USH2A: variants seen among roughly 807,000 people sequenced by gnomAD.
USH2A encodes the protein usherin.
Under a neutral mutation model 538.9 loss-of-function variants are expected in USH2A, and 443 were observed. That is an observed-to-expected ratio of 0.82 (90% CI 0.76 to 0.89). The LOEUF is 0.89. Among genes scored for constraint, USH2A ranks in the 40% least tolerant of loss-of-function variants. The pLI is 0.00. For synonymous variants in USH2A, 2,413 were observed against 2,273.5 expected (o/e 1.06, Z -1.75); for missense variants, 6,633 against 6,324.8 (o/e 1.05, Z -1.65).
chr1:216,073,045 G>T, intron 28 of USH2A, 52 bp downstream of exon 28: 1 of 1,613,018 alleles, frequency 6.2e-7, no homozygotes, highest in South Asian at 1.1e-5. Flanking sequence ...GGGAGGGAAA[G>T]GGGGATGAAT....
At chr1:216,211,877 T>C (rs1398736215) in intron 15 of USH2A, among the ~76,000 whole-genome samples, 1 of 152,200 alleles carries the variant, frequency 6.6e-6, no homozygotes, top group African/African-American at 2.4e-5. Flanking sequence ...TAAATCCTGT[T>C]GTTCTTGGTG....
chr1:215,674,272 C>T lies in USH2A; in HGVS notation c.13639G>A (p.Glu4547Lys), dbSNP rs1319164722. The change falls in exon 63 of 72, where the codon GAG (glutamate) becomes AAG (lysine). Residue 4547 changes from glutamate to lysine, a missense_variant. Physicochemically the swap from Glu to Lys is moderately conservative, Grantham distance 56. Coordinates refer to ENST00000307340, the MANE Select transcript of USH2A (RefSeq NM_206933.4). ...PPKLQARGPQ[E>K]ILVNWDPPVR... ...GGAGGGTCCCAGTTCACTAAGATCT[C>T]CTGAGGACCCCTGGCCTGCAATTTT... 1.2e-6 allele frequency: 2 copies of T among 1,614,000 alleles called. No homozygotes were observed. Among genetic ancestry groups the T allele is most frequent in the African/African-American group, 1.3e-5 (1 of 74,902 alleles).
intron 64 of USH2A, among the ~76,000 whole-genome samples, chr1:215,666,862 C>A (rs942966444): frequency 2.6e-5 from 4 of 152,028 alleles, no homozygotes; most frequent in African/African-American, 9.7e-5. Context: ...GAGGCTGAGG[C>A]GGGTGGATCA....
chr1:216,218,363 A>C (rs1037070023), intron 14 of USH2A, among the ~76,000 whole-genome samples: 1 of 152,240 alleles, frequency 6.6e-6, no homozygotes, highest in Middle Eastern at 3.4e-3. Context: ...AATGGCACTA[A>C]TTAGGATAAG....
chr1:216,035,331 A>C (rs1669224380), intron 32 of USH2A, among the ~76,000 whole-genome samples: 1 of 152,300 alleles, frequency 6.6e-6, no homozygotes, highest in South Asian at 2.1e-4. Context: ...ATAAGCACAC[A>C]GGGAAAACAT....
chr1:215,722,971 C>T (rs917199538), intron 61 of USH2A, among the ~76,000 whole-genome samples: 1 of 152,166 alleles, frequency 6.6e-6, no homozygotes, highest in African/African-American at 2.4e-5. Context: ...TATCGCCAAC[C>T]TTGCCAGGAG....
chr1:215,918,977 A>T lies in USH2A; in HGVS notation c.7300+15639T>A, dbSNP rs1194144488. Among the ~76,000 whole-genome samples the T allele has an allele frequency of 2.6e-5, 4 of 152,214 alleles. No individual in the cohort carries two copies. The South Asian group carries it at 6.2e-4, about 24-fold the overall frequency. ...CTAGGGGGATTTAGAAGTCTAAAAC[A>T]AATGTATTCATATTAATAACGCTTC... is the stretch of plus-strand genomic sequence containing the variant. On this transcript the variant is annotated intron_variant, in intron 38 of 71. Coordinates refer to ENST00000307340, the MANE Select transcript of USH2A (RefSeq NM_206933.4).
rs751411512 is a variant in USH2A, at chr1:215,674,200, C to T, written c.13711G>A (p.Glu4571Lys). ...ATTTTAGTTTCTCTTTCAAATAGTT[C>T]ACGGATGAAGAGGGTATAATTGATG... ...DIINYTLFIR[E>K]LFERETKIIH... The change falls in exon 63 of 72, where the codon GAA becomes AAA. Residue 4571 changes from glutamate to lysine, a missense_variant. Coordinates refer to ENST00000307340, the MANE Select transcript of USH2A (RefSeq NM_206933.4). The T allele has an allele frequency of 7.4e-6, 12 of 1,613,918 alleles. No homozygotes were observed. Among genetic ancestry groups the T allele is most frequent in the Non-Finnish European group, 9.3e-6 (11 of 1,180,016 alleles).
intron 9 of USH2A, among the ~76,000 whole-genome samples, chr1:216,321,165 C>T (rs1240996315): frequency 6.6e-6 from 1 of 152,214 alleles, no homozygotes; most frequent in East Asian, 1.9e-4. Flanking sequence ...AACATATTTA[C>T]TGAAGAGTCT....
chr1:216,005,207 C>T (rs1379423972), intron 32 of USH2A, among the ~76,000 whole-genome samples: 1 of 152,092 alleles, frequency 6.6e-6, no homozygotes, highest in Non-Finnish European at 1.5e-5. Context: ...TGACTGAAAT[C>T]TATTTTCTCT....
intron 11 of USH2A, among the ~76,000 whole-genome samples, chr1:216,264,690 T>C (rs1411210593): frequency 1.3e-5 from 2 of 152,160 alleles, no homozygotes; most frequent in South Asian, 2.1e-4. Context: ...TACAAAGCTA[T>C]ACAGCATGAT....
Position 216,418,615 on chromosome 1 carries a change from T to C in USH2A, c.550A>G (p.Thr184Ala), listed in dbSNP as rs1187643924. 6.2e-7 allele frequency: 1 copy of C among 1,613,402 alleles called. No individual in the cohort carries two copies. Among genetic ancestry groups the C allele is most frequent in the South Asian group, 1.1e-5 (1 of 91,062 alleles). Reference sequence around the variant, plus strand: ...TTTACTGTGCGATAATAAAACATGGTCTCTTTCTCAGATATTGTAAGTTTG... The same window carrying C: ...TTTACTGTGCGATAATAAAACATGGCCTCTTTCTCAGATATTGTAAGTTTG... ...VFKLTISEKE[T>A]MFYYRTVNGL... The change falls in exon 3 of 72, where the codon ACC becomes GCC. Residue 184 changes from threonine (T) to alanine (A), a missense_variant. Transcript: ENST00000307340.
chr1:215,836,554 T>TA (rs1234072957), intron 47 of USH2A, among the ~76,000 whole-genome samples: 4 of 18,280 alleles, frequency 2.2e-4, no homozygotes, highest in Non-Finnish European at 2.7e-4. Flanking sequence ...TATATATATA[T>TA]ATATATATAT....
At chr1:215,914,529 A>G (rs976403141) in intron 38 of USH2A, among the ~76,000 whole-genome samples, 3 of 152,132 alleles carry the variant, frequency 2.0e-5, no homozygotes, top group Non-Finnish European at 1.5e-5. Flanking sequence ...ACATTGACAT[A>G]GTTGTCTTAC....
intron 21 of USH2A, among the ~76,000 whole-genome samples, chr1:216,139,747 C>T (rs930911065): frequency 6.6e-6 from 1 of 152,194 alleles, no homozygotes; most frequent in East Asian, 1.9e-4. Flanking sequence ...GAGCATTCAT[C>T]TTCCAATCTC....
rs1457314697 is a variant in USH2A at position 216,217,310 on chromosome 1, G to A, written c.3157+77C>T. The stretch of plus-strand genomic sequence containing the variant: ...TAAGCCTTTCTGATGGGTTCTAAAT[G>A]GAGAAAGAAAACAATGAGATGCAGT... On this transcript the variant is annotated intron_variant, in intron 15 of 71. Transcript: ENST00000307340. The A allele has an allele frequency of 7.0e-6, 11 of 1,577,160 alleles. No individual in the cohort carries two copies. In the African/African-American group the frequency reaches 1.4e-4, roughly 19 times the overall value.
chr1:215,902,962 GGAAGT>G (rs1489466094), intron 38 of USH2A, among the ~76,000 whole-genome samples: 38 of 152,148 alleles, frequency 2.5e-4, no homozygotes, highest in African/African-American at 9.2e-4. Flanking sequence ...AAATAAACTA[GGAAGT>G]GAGTGTTGAT....
At chr1:215,960,276 A>G (rs528653562) in intron 37 of USH2A, among the ~76,000 whole-genome samples, 1 of 152,102 alleles carries the variant, frequency 6.6e-6, no homozygotes, top group African/African-American at 2.4e-5. Context: ...AATTTTATAA[A>G]TAGTTTTACA....
intron 61 of USH2A, among the ~76,000 whole-genome samples, chr1:215,694,818 G>T (rs918434604): frequency 1.5e-4 from 23 of 152,288 alleles, no homozygotes; most frequent in African/African-American, 5.3e-4. Context: ...ATTCAGTCCA[G>T]AGCAATGACC....
Sources: allele counts gnomAD v4.1 joint callset (sites outside exome capture counted in the v4.1 genomes callset), GRCh38; gene constraint gnomAD v4.1.1; transcripts MANE v1.5; gene names NCBI Gene and HGNC (gene_info 2026-07-23, HGNC 2026-07-21).